The following ELOVL6 variants were observed in gnomAD, a reference collection of about 807,000 sequenced individuals.
ELOVL6 encodes the protein very long chain fatty acid elongase 6.
A neutral mutation model predicts 31.7 loss-of-function variants in ELOVL6; 8 were observed. The observed-to-expected ratio is 0.25, with a 90% CI of 0.15 to 0.45. The LOEUF is 0.45. Among genes scored for constraint, ELOVL6 ranks in the 20% least tolerant of loss-of-function variants. The pLI is 1.00. For synonymous variants in ELOVL6, 101 were observed against 117.7 expected (o/e 0.86, Z 0.92); for missense variants, 126 against 326.4 (o/e 0.39, Z 4.73).
intron 2 of ELOVL6, among the ~76,000 whole-genome samples, chr4:110,099,506 G>A (rs1756682150): frequency 6.6e-6 from 1 of 152,112 alleles, no homozygotes; most frequent in African/African-American, 2.4e-5. Flanking sequence ...TGCAAATCAA[G>A]CAAAAACAAT....
intron 1 of ELOVL6, among the ~76,000 whole-genome samples, chr4:110,136,356 T>G (rs72679237): frequency 4.6e-5 from 7 of 152,174 alleles, no homozygotes; most frequent in Non-Finnish European, 8.8e-5. Context: ...AACTATGGGT[T>G]TGTCTATAAT....
chr4:110,184,709 T>C (rs942463287), intron 1 of ELOVL6, among the ~76,000 whole-genome samples: 1 of 151,836 alleles, frequency 6.6e-6, no homozygotes, highest in Non-Finnish European at 1.5e-5. Flanking sequence ...ACACAGGAAT[T>C]GGTTGTAAAT....
chr4:110,061,053 T>A (rs1389305365), intron 2 of ELOVL6, among the ~76,000 whole-genome samples: 1 of 152,208 alleles, frequency 6.6e-6, no homozygotes, highest in Non-Finnish European at 1.5e-5. Context: ...TCTCTAAAGG[T>A]ATAAAGACTC....
At position 110,050,918 on chromosome 4, in the gene ELOVL6, TTG is replaced by T. The variant is rs758589476; in HGVS notation, c.*418_*419del. 16 of 175,134 alleles carry T rather than the reference TTG, an allele frequency of 9.1e-5. No homozygotes were observed. Among genetic ancestry groups the T allele is most frequent in the South Asian group, 4.1e-4 (3 of 7,278 alleles). The allele number at this position is 175,134 out of a possible 1,614,324, so 10.8% of individuals were successfully genotyped here. A position where few individuals can be genotyped will look rare whatever the true frequency, so the allele number is the denominator to read the frequency against. On this transcript the variant is annotated 3_prime_UTR_variant, in exon 4 of 4. Transcript: ENST00000302274. Reference sequence around the variant, plus strand: ...TTAGTGTCCATAAAGTTAGAAAGGATTGTGTGTGTTGTGCTCGCACAGTTTCT... The same window carrying T: ...TTAGTGTCCATAAAGTTAGAAAGGATTGTGTGTTGTGCTCGCACAGTTTCT...
chr4:110,128,841 TA>T (rs1322589217), intron 1 of ELOVL6, among the ~76,000 whole-genome samples: 1 of 152,230 alleles, frequency 6.6e-6, no homozygotes, highest in Non-Finnish European at 1.5e-5. Flanking sequence ...CAGTCATCCA[TA>T]TTTCCAACCA....
intron 1 of ELOVL6, among the ~76,000 whole-genome samples, chr4:110,188,108 G>A (rs537697926): frequency 4.6e-5 from 7 of 152,258 alleles, no homozygotes; most frequent in African/African-American, 1.7e-4. Context: ...CTATTTACAA[G>A]TAGCTACACT....
chr4:110,164,536 C>G (rs1758714982), intron 1 of ELOVL6, among the ~76,000 whole-genome samples: 1 of 151,880 alleles, frequency 6.6e-6, no homozygotes, highest in African/African-American at 2.4e-5. Context: ...GAAGCCAAGG[C>G]AGAAACAAGC....
intron 2 of ELOVL6, among the ~76,000 whole-genome samples, chr4:110,075,113 A>G (rs1755593476): frequency 6.6e-6 from 1 of 152,228 alleles, no homozygotes; most frequent in African/African-American, 2.4e-5. Context: ...TATCAAAAAA[A>G]TGAAAAATAA....
At chr4:110,164,687 G>A (rs1358058660) in intron 1 of ELOVL6, among the ~76,000 whole-genome samples, 1 of 143,092 alleles carries the variant, frequency 7.0e-6, no homozygotes, top group Non-Finnish European at 1.5e-5. Context: ...GCTACAATGA[G>A]CCATGATCAC....
At chr4:110,178,537 AGAGT>A (rs765492268) in intron 1 of ELOVL6, among the ~76,000 whole-genome samples, 2 of 151,646 alleles carry the variant, frequency 1.3e-5, no homozygotes, top group East Asian at 1.9e-4. Context: ...TGAGTGACAG[AGAGT>A]GAGACTCCAT....
At chr4:110,158,748 C>G in intron 1 of ELOVL6, among the ~76,000 whole-genome samples, 1 of 148,356 alleles carries the variant, frequency 6.7e-6, no homozygotes, top group East Asian at 2.0e-4. Context: ...GCAACCTTCA[C>G]CTCCCAAGTT....
chr4:110,051,432 G>T lies in ELOVL6; in HGVS notation c.704C>A (p.Ser235Tyr). Residue 235 changes from serine (S) to tyrosine (Y), a missense_variant, in exon 4 of 4, where the codon TCC (serine) becomes TAC (tyrosine). Physicochemically the swap from Ser to Tyr is moderately radical, Grantham distance 144. Around this residue, in one of 3 missense-constraint regions of ELOVL6, gnomAD observed 57 missense variants for 110.2 expected, o/e 0.52. Coordinates refer to ENST00000302274, the MANE Select transcript of ELOVL6 (RefSeq NM_024090.3). This position sits in a 1 kb window ranked among gnomAD's most constrained non-coding sequence, Gnocchi z 4.8. Reference sequence around the variant, plus strand: ...AAGGTAGCTGAGGTACATGAGTGAGGACCAGAAGATGTTCTGAAAGTGAGA... The same window carrying T: ...AAGGTAGCTGAGGTACATGAGTGAGTACCAGAAGATGTTCTGAAAGTGAGA... ...CHSHFQNIFW[S>Y]SLMYLSYLVL... The T allele has an allele frequency of 6.2e-7, 1 of 1,614,196 alleles. No homozygotes were observed. The highest frequency in any genetic ancestry group is 1.1e-5 in the South Asian group (1 of 91,078).
At chr4:110,081,667 C>G (rs1453641482) in intron 2 of ELOVL6, among the ~76,000 whole-genome samples, 1 of 151,064 alleles carries the variant, frequency 6.6e-6, no homozygotes, top group Non-Finnish European at 1.5e-5. Context: ...CAATACCATT[C>G]AGGACATAGG....
At chr4:110,158,441 A>C (rs1758516001) in intron 1 of ELOVL6, among the ~76,000 whole-genome samples, 1 of 151,554 alleles carries the variant, frequency 6.6e-6, no homozygotes, top group Non-Finnish European at 1.5e-5. Flanking sequence ...CACAACTCTT[A>C]GGAAGAAAAA....
chr4:110,099,122 T>C (rs1756672156), intron 2 of ELOVL6, among the ~76,000 whole-genome samples: 1 of 152,208 alleles, frequency 6.6e-6, no homozygotes, highest in Non-Finnish European at 1.5e-5. Context: ...AGTTTTATTA[T>C]ATACTTGTTG....
At chr4:110,067,476 T>C (rs1205822561) in intron 2 of ELOVL6, among the ~76,000 whole-genome samples, 1 of 152,202 alleles carries the variant, frequency 6.6e-6, no homozygotes, top group Non-Finnish European at 1.5e-5. Flanking sequence ...TTTTATTGAC[T>C]TGCAGTTCCA....
intron 1 of ELOVL6, among the ~76,000 whole-genome samples, chr4:110,110,591 C>T (rs1043348662): frequency 2.0e-5 from 3 of 151,566 alleles, no homozygotes; most frequent in African/African-American, 7.3e-5. Flanking sequence ...AAATGGGATC[C>T]CAGTATGCTG....
At chr4:110,164,287 T>C (rs1220791114) in intron 1 of ELOVL6, among the ~76,000 whole-genome samples, 1 of 152,022 alleles carries the variant, frequency 6.6e-6, no homozygotes, top group Admixed American at 6.6e-5. Flanking sequence ...GGTCCCAGAG[T>C]TTGATACACT....
chr4:110,054,666 T>C (rs1299460436), intron 3 of ELOVL6, among the ~76,000 whole-genome samples: 1 of 152,204 alleles, frequency 6.6e-6, no homozygotes, highest in Non-Finnish European at 1.5e-5. Context: ...TAAAATTTTA[T>C]TGTCTAAAGA....
Sources: allele counts gnomAD v4.1 joint callset (sites outside exome capture counted in the v4.1 genomes callset), GRCh38; gene constraint gnomAD v4.1.1; regional missense constraint gnomAD v4.1.1; non-coding constraint Gnocchi (gnomAD v3.1); transcripts MANE v1.5; gene names NCBI Gene and HGNC (gene_info 2026-07-23, HGNC 2026-07-21).